The following ANKFN1 variants were observed in gnomAD, a reference collection of about 807,000 sequenced individuals.
The protein encoded by ANKFN1 is ankyrin repeat and fibronectin type III domain containing 1.
ANKFN1 carries 74 observed loss-of-function variants against 108.7 expected under a neutral mutation model. That is an observed-to-expected ratio of 0.68 (90% CI 0.56 to 0.83). The LOEUF is 0.83. Among genes scored for constraint, ANKFN1 ranks in the 40% least tolerant of loss-of-function variants. The pLI, the probability that ANKFN1 is intolerant of heterozygous loss-of-function variation, is 0.00. For synonymous variants in ANKFN1, 547 were observed against 516.2 expected (o/e 1.06, Z -0.81); for missense variants, 1,505 against 1,382.3 (o/e 1.09, Z -1.41).
At chr17:56,115,906 T>C (rs1906238071) in intron 4 of ANKFN1, among the ~76,000 whole-genome samples, 1 of 152,128 alleles carries the variant, frequency 6.6e-6, no homozygotes, top group African/African-American at 2.4e-5. Context: ...GGGTGCACAG[T>C]CAAGGCTTTC....
At chr17:56,308,130 T>A (rs2044892018) in intron 3 of ANKFN1, among the ~76,000 whole-genome samples, 3 of 151,932 alleles carry the variant, frequency 2.0e-5, no homozygotes, top group Admixed American at 2.0e-4. Flanking sequence ...GAGATATACC[T>A]AATGTTAAAT....
At chr17:56,340,457 TTAATC>T (rs1185795770) in intron 4 of ANKFN1, among the ~76,000 whole-genome samples, 2 of 152,120 alleles carry the variant, frequency 1.3e-5, no homozygotes, top group Admixed American at 6.6e-5. Flanking sequence ...ATTTAAGTCT[TTAATC>T]TATCTTGAGT....
upstream of ANKFN1, among the ~76,000 whole-genome samples, chr17:56,151,661 T>G (rs1908620686): frequency 6.6e-6 from 1 of 152,136 alleles, no homozygotes; most frequent in South Asian, 2.1e-4. Context: ...TCTGAGTTTC[T>G]GGGGTTTCAT....
chr17:56,285,545 G>A (rs75772888), intron 3 of ANKFN1, among the ~76,000 whole-genome samples: 1 of 152,060 alleles, frequency 6.6e-6, no homozygotes, highest in Admixed American at 6.6e-5. Flanking sequence ...ACACTGCTCA[G>A]TGTTGGAGCA....
chr17:56,171,120 C>T (rs186513339), intron 1 of ANKFN1, among the ~76,000 whole-genome samples: 136 of 151,854 alleles, frequency 9.0e-4, no homozygotes, highest in East Asian at 1.8e-3. Context: ...CCGGCACTGG[C>T]GGGGAAATGC....
chr17:56,333,203 A>G (rs1567921025), intron 4 of ANKFN1, among the ~76,000 whole-genome samples: 1 of 152,078 alleles, frequency 6.6e-6, no homozygotes, highest in Non-Finnish European at 1.5e-5. Flanking sequence ...GCCCAGTACA[A>G]TAGAAAAAGT....
chr17:56,423,225 A>G (rs541763908), intron 8 of ANKFN1, among the ~76,000 whole-genome samples: 4 of 152,338 alleles, frequency 2.6e-5, no homozygotes, highest in Admixed American at 6.5e-5. Flanking sequence ...GCTCTACAGA[A>G]AGCAAGTGGG....
intron 4 of ANKFN1, among the ~76,000 whole-genome samples, chr17:56,080,910 T>C (rs985114381): frequency 6.6e-6 from 1 of 152,212 alleles, no homozygotes; most frequent in Admixed American, 6.5e-5. Flanking sequence ...TAGCTACTGA[T>C]GGCTTATCAC....
At chr17:56,250,725 T>C (rs1236907026) in intron 3 of ANKFN1, among the ~76,000 whole-genome samples, 2 of 152,050 alleles carry the variant, frequency 1.3e-5, no homozygotes, top group African/African-American at 2.4e-5. Context: ...CTCAGTACAA[T>C]AGACCATTAT....
intron 2 of ANKFN1, among the ~76,000 whole-genome samples, chr17:56,220,812 A>AAGGAAGGAAGGAAGGGAGGGAGGGAGGG (rs1915800842): frequency 1.8e-5 from 1 of 56,086 alleles, no homozygotes; most frequent in Non-Finnish European, 2.9e-5. Flanking sequence ...GGGAGGGAGG[A>AAGGAAGGAAGGAAGGGAGGGAGGGAGGG]AGGAAGGAAG....
chr17:56,457,675 C>G (rs1485885353), intron 13 of ANKFN1, among the ~76,000 whole-genome samples, 188 bp from the exon 14 acceptor site: 1 of 152,138 alleles, frequency 6.6e-6, no homozygotes, highest in South Asian at 2.1e-4. Context: ...TGGATCTGAC[C>G]GTTTCATTAA....
chr17:56,422,101 A>G (rs1417960021), intron 8 of ANKFN1, among the ~76,000 whole-genome samples: 4 of 152,194 alleles, frequency 2.6e-5, no homozygotes, highest in Non-Finnish European at 5.9e-5. Flanking sequence ...TTTTATCCAA[A>G]TGTATATATA....
At chr17:56,355,042 T>C (rs1289450351) in intron 6 of ANKFN1, among the ~76,000 whole-genome samples, 2 of 152,180 alleles carry the variant, frequency 1.3e-5, no homozygotes, top group Non-Finnish European at 2.9e-5. Flanking sequence ...AGTAGGGTGA[T>C]GTTGGAATGG....
chr17:56,247,100 C>T (rs1262806295), intron 3 of ANKFN1, among the ~76,000 whole-genome samples: 5 of 152,008 alleles, frequency 3.3e-5, no homozygotes, highest in Non-Finnish European at 7.4e-5. Context: ...TTTCATTTTC[C>T]ATTCATTTTT....
At chr17:56,405,828 G>A (rs903817082) in intron 8 of ANKFN1, among the ~76,000 whole-genome samples, 7 of 152,114 alleles carry the variant, frequency 4.6e-5, no homozygotes, top group Admixed American at 6.5e-5. Flanking sequence ...ATTGAGGGAG[G>A]AGGATCTATA....
chr17:56,140,319 C>T (rs1028478964), intron 4 of ANKFN1, among the ~76,000 whole-genome samples: 7 of 152,166 alleles, frequency 4.6e-5, no homozygotes, highest in Non-Finnish European at 1.0e-4. Flanking sequence ...TTTCCTAAGC[C>T]AAGTGTGGGT....
At chr17:56,052,959 G>A (rs527630330) in intron 4 of ANKFN1, among the ~76,000 whole-genome samples, 3 of 151,964 alleles carry the variant, frequency 2.0e-5, no homozygotes, top group Non-Finnish European at 2.9e-5. Context: ...TCACTGGACC[G>A]TCAACTCATT....
chr17:56,211,300 C>T (rs571563626), intron 1 of ANKFN1, among the ~76,000 whole-genome samples: 1 of 152,294 alleles, frequency 6.6e-6, no homozygotes, highest in East Asian at 1.9e-4. Flanking sequence ...GATGAGGATC[C>T]AGTTTCATTC....
chr17:56,388,620 GATT>G (rs556236854), intron 8 of ANKFN1, among the ~76,000 whole-genome samples: 57 of 152,142 alleles, frequency 3.7e-4, no homozygotes, highest in African/African-American at 1.2e-3. Flanking sequence ...AGTGTACTAT[GATT>G]ATATTTCCTT....
Sources: gnomAD v4.1 joint callset for allele counts (sites outside exome capture counted in the v4.1 genomes callset) on GRCh38, gnomAD v4.1.1 for gene constraint, MANE v1.5 for transcripts, NCBI Gene and HGNC (gene_info 2026-07-23, HGNC 2026-07-21) for gene names.